EIF4G1: variants seen among roughly 807,000 people sequenced by gnomAD.
EIF4G1 encodes eukaryotic translation initiation factor 4 gamma 1, also known as EIF4-gamma.
In EIF4G1, 4 loss-of-function variants were observed where a neutral mutation model predicts 187.8. That is an observed-to-expected ratio of 0.02 (90% confidence interval 0.01 to 0.05). The LOEUF (loss-of-function observed/expected upper bound fraction) is 0.05, where lower values mean the gene tolerates loss of function less well. EIF4G1 is among the 10% of genes least tolerant of loss of function. EIF4G1 has a pLI of 1.00. For synonymous variants in EIF4G1, 844 were observed against 781.4 expected, an observed-to-expected ratio of 1.08 and a Z score of -1.34; for missense variants, 1,647 against 2,081.1, an observed-to-expected ratio of 0.79 and a Z score of 4.06.
At position 184,325,748 on chromosome 3, in the gene EIF4G1, T is replaced by C. The variant is rs1200222570; in HGVS notation, c.3122-103T>C. ...ACGTGTCTGGGCCACTGAGACACCATGATGGAACTGAGGATCTGAGGAAGG... is the reference window on the plus strand; with the variant it reads ...ACGTGTCTGGGCCACTGAGACACCACGATGGAACTGAGGATCTGAGGAAGG... On this transcript the variant is annotated intron_variant, in intron 20 of 32. Coordinates refer to ENST00000346169, the MANE Select transcript of EIF4G1 (RefSeq NM_198241.3). The surrounding 1 kb of genome is among the most constrained non-coding windows in gnomAD (Gnocchi z 5.2). 8 of 1,609,140 alleles carry C rather than the reference T, an allele frequency of 5.0e-6. No individual in the cohort carries two copies. The Admixed American group carries it at 1.2e-4, about 23-fold the overall frequency.
chr3:184,319,711 A>G lies in EIF4G1; in HGVS notation c.447A>G (p.Gln149=), dbSNP rs111226425. 3 of 1,603,100 alleles carry G rather than the reference A, an allele frequency of 1.9e-6. No individual in the cohort carries two copies. Among genetic ancestry groups the G allele is most frequent in the African/African-American group, 2.7e-5 (2 of 74,920 alleles). Residue 149 remains glutamine (Q), a synonymous_variant, in exon 7 of 33, where the codon CAA becomes CAG. Coordinates refer to ENST00000346169, the MANE Select transcript of EIF4G1 (RefSeq NM_198241.3). ...GTYAGAYYPA[Q]GVQQFPTGVA... Reference sequence around the variant, plus strand: ...AAGCTGGCGCCTACTATCCAGCCCAAGGGGTGCAGCAGTTTCCCACTGGCG... The same window carrying G: ...AAGCTGGCGCCTACTATCCAGCCCAGGGGGTGCAGCAGTTTCCCACTGGCG...
intron 2 of EIF4G1, 82 bp from the exon 3 acceptor site, chr3:184,315,681 C>A: frequency 9.6e-7 from 1 of 1,036,538 alleles, no homozygotes. Flanking sequence ...TGGGACCCAG[C>A]CCTTGCATCA....
rs1338173579 is a variant in EIF4G1, at chr3:184,319,460, TGTGTGTTTGTG to T, written c.425-228_425-218del. ...GTGTGTGTGTGTGTGTGTGTGTGTG[TGTGTGTTTGTG>T]TGTGTGTGTGTGTTAGGAATTCTTG... On this transcript the variant is annotated intron_variant, in intron 6 of 32. Coordinates refer to ENST00000346169, the MANE Select transcript of EIF4G1 (RefSeq NM_198241.3). 1.1e-3 allele frequency among the ~76,000 whole-genome samples: 14 copies of T among 13,262 alleles called. No individual in the cohort carries two copies. In the Middle Eastern group the frequency reaches 0.19, roughly 178 times the overall value. 8.7% of individuals were successfully genotyped at this position (13,262 alleles called of 152,430 possible). A position where few individuals can be genotyped will look rare whatever the true frequency, so the allele number is the denominator to read the frequency against.
At chr3:184,320,537 G>C in intron 7 of EIF4G1, 93 bp from the exon 8 acceptor site, 1 of 1,606,142 alleles carries the variant, frequency 6.2e-7, no homozygotes, top group Non-Finnish European at 8.5e-7. Context: ...CCCGCTGGGG[G>C]GTGGGGAGTT....
chr3:184,315,217 G>A (rs1447752922), intron 1 of EIF4G1: 1 of 373,280 alleles, frequency 2.7e-6, no homozygotes, highest in Non-Finnish European at 5.4e-6. Context: ...GCCTTTTAGG[G>A]CCTGACTCCC....
In EIF4G1 at chr3:184,327,984, C is replaced by T. The variant is rs1432744060; in HGVS notation, c.3935C>T (p.Thr1312Ile). The change falls in exon 26 of 33, where the codon ACT (threonine) becomes ATT (isoleucine). Residue 1312 changes from threonine (T) to isoleucine (I), a missense_variant. Physicochemically the swap from Thr to Ile is moderately conservative, Grantham distance 89. Transcript: ENST00000346169. ...CTGCTCTGTGCTGGGCATCTGTCTACTGCTCAGTACTACCAAGGGTATGAC... is the reference window on the plus strand; with the variant it reads ...CTGCTCTGTGCTGGGCATCTGTCTATTGCTCAGTACTACCAAGGGTATGAC... ...HQLLCAGHLSTAQYYQGLYEI... is the reference protein window; with the variant it reads ...HQLLCAGHLSIAQYYQGLYEI... 1.9e-6 allele frequency: 3 copies of T among 1,606,670 alleles called. No homozygotes were observed. Among genetic ancestry groups the T allele is most frequent in the Non-Finnish European group, 2.5e-6 (3 of 1,180,004 alleles).
In EIF4G1 at chr3:184,323,404, G is replaced by A; in HGVS notation, c.2089-4G>A. 1 of 1,614,078 alleles carries A rather than the reference G, an allele frequency of 6.2e-7. No homozygotes were observed. The highest frequency in any genetic ancestry group is 1.7e-4 in the Middle Eastern group (1 of 6,056). ...CCCTCTTGTCTTCATCCCTTGCTTAGCAGGCTGGCCTGGGACCCCGGCGCT... is the reference window on the plus strand; with the variant it reads ...CCCTCTTGTCTTCATCCCTTGCTTAACAGGCTGGCCTGGGACCCCGGCGCT... On this transcript the variant is annotated splice_polypyrimidine_tract_variant and splice_region_variant and intron_variant, in intron 14 of 32. Transcript: ENST00000346169. The surrounding 1 kb of genome is among the most constrained non-coding windows in gnomAD (Gnocchi z 6.9).
chr3:184,328,491 C>G (rs968227245), intron 26 of EIF4G1, 140 bp from the exon 27 acceptor site: 4 of 1,187,732 alleles, frequency 3.4e-6, no homozygotes, highest in East Asian at 2.3e-5. Context: ...ACAGAGGTGG[C>G]CTTAGCTTGA....
At position 184,321,277 on chromosome 3, in the gene EIF4G1, T is replaced by G. The variant is rs760102430; in HGVS notation, c.698-5T>G. ...AGTTGCTCATTCTTCCTTCCTATGG[T>G]GCAGATGACCGGTCACAGGGAGCAA... On this transcript the variant is annotated splice_polypyrimidine_tract_variant and splice_region_variant and intron_variant, in intron 9 of 32. Transcript: ENST00000346169. 8.1e-6 allele frequency: 13 copies of G among 1,614,108 alleles called. No individual in the cohort carries two copies. In the South Asian group the frequency reaches 1.4e-4, roughly 18 times the overall value.
Position 184,321,900 on chromosome 3 carries a change from C to G in EIF4G1, c.1316C>G (p.Ser439Cys). 1.2e-6 allele frequency: 2 copies of G among 1,614,204 alleles called. No individual in the cohort carries two copies. Among genetic ancestry groups the G allele is most frequent in the Non-Finnish European group, 8.5e-7 (1 of 1,180,036 alleles). ...TASMAPPTIP[S>C]ATPATAPSAT... ...TCAATGGCGCCCCCCACCATCCCCT[C>G]TGCTACTCCAGCTACGGCTCCTTCA... The change falls in exon 10 of 33, where the codon TCT becomes TGT. Residue 439 changes from serine (S) to cysteine (C), a missense_variant. Ser to Cys is a moderately radical substitution (Grantham distance 112). Coordinates refer to ENST00000346169, the MANE Select transcript of EIF4G1 (RefSeq NM_198241.3).
In EIF4G1 at chr3:184,325,311, A is replaced by G. The variant is rs1673644066; in HGVS notation, c.2899A>G (p.Lys967Glu). 2 of 1,614,180 alleles carry G rather than the reference A, an allele frequency of 1.2e-6. No homozygotes were observed. The highest frequency in any genetic ancestry group is 8.5e-7 in the Non-Finnish European group (1 of 1,180,032). The change falls in exon 19 of 33, where the codon AAA (lysine) becomes GAA (glutamate). Residue 967 changes from lysine (K) to glutamate (E), a missense_variant. Lys to Glu is a moderately conservative substitution (Grantham distance 56). Around this residue, in one of 11 missense-constraint regions of EIF4G1, gnomAD observed 142 missense variants for 296.6 expected, o/e 0.48. Coordinates refer to ENST00000346169, the MANE Select transcript of EIF4G1 (RefSeq NM_198241.3). The surrounding 1 kb of genome is among the most constrained non-coding windows in gnomAD (Gnocchi z 5.2). ...QYFNQMEKII[K>E]EKKTSSRIRF... The stretch of plus-strand genomic sequence containing the variant: ...TTTCAACCAGATGGAAAAAATCATT[A>G]AAGAAAAGAAGACGTCATCCCGCAT...
chr3:184,323,626 A>T lies in EIF4G1; in HGVS notation c.2274+33A>T. On this transcript the variant is annotated intron_variant, in intron 15 of 32. Coordinates refer to ENST00000346169, the MANE Select transcript of EIF4G1 (RefSeq NM_198241.3). This position sits in a 1 kb window ranked among gnomAD's most constrained non-coding sequence, Gnocchi z 6.9. ...CAAGTCCTGCTTTTGGTCTCTCTCCATTTCTTCTCCAGGTCTGCCATCTGT... is the reference window on the plus strand; with the variant it reads ...CAAGTCCTGCTTTTGGTCTCTCTCCTTTTCTTCTCCAGGTCTGCCATCTGT... The T allele has an allele frequency of 6.2e-7, 1 of 1,613,238 alleles. No homozygotes were observed. The highest frequency in any genetic ancestry group is 8.5e-7 in the Non-Finnish European group (1 of 1,179,928).
In EIF4G1 at chr3:184,315,842, C is replaced by T; in HGVS notation, c.46C>T (p.Pro16Ser). 1 of 1,550,310 alleles carries T rather than the reference C, an allele frequency of 6.5e-7. No individual in the cohort carries two copies. Among genetic ancestry groups the T allele is most frequent in the Non-Finnish European group, 8.7e-7 (1 of 1,145,982 alleles). The part of the protein sequence containing the change: ...QSTGPPPAPS[P>S]GLPQPAFPPG... ...CACAGGCCCCCCACCCGCCCCATCC[C>T]CCGGACTCCCACAGGTAATTAGGGA... The change falls in exon 3 of 33, where the codon CCC becomes TCC. Residue 16 changes from proline (P) to serine (S), a missense_variant. Pro to Ser is a moderately conservative substitution (Grantham distance 74, BLOSUM62 -1). Around this residue, in one of 11 missense-constraint regions of EIF4G1, gnomAD observed 61 missense variants for 49.5 expected, o/e 1.23. Transcript: ENST00000346169.
Position 184,323,328 on chromosome 3 carries a change from C to T in EIF4G1, c.2089-80C>T. 6.2e-7 allele frequency: 1 copy of T among 1,611,496 alleles called. No individual in the cohort carries two copies. Among genetic ancestry groups the T allele is most frequent in the Non-Finnish European group, 8.5e-7 (1 of 1,178,204 alleles). Reference sequence around the variant, plus strand: ...CAGTGCCCGCGGGGAGGGGTTTGCCCTGGAGGCGTGTAGTAGTGGTGTCAC... The same window carrying T: ...CAGTGCCCGCGGGGAGGGGTTTGCCTTGGAGGCGTGTAGTAGTGGTGTCAC... On this transcript the variant is annotated intron_variant, in intron 14 of 32. Coordinates refer to ENST00000346169, the MANE Select transcript of EIF4G1 (RefSeq NM_198241.3). This position sits in a 1 kb window ranked among gnomAD's most constrained non-coding sequence, Gnocchi z 6.9.
Position 184,332,040 on chromosome 3 carries a change from G to C in EIF4G1, c.4572G>C (p.Ala1524=), listed in dbSNP as rs751022680. 1.2e-6 allele frequency: 2 copies of C among 1,614,216 alleles called. No homozygotes were observed. Among genetic ancestry groups the C allele is most frequent in the East Asian group, 4.5e-5 (2 of 44,882 alleles). The change falls in exon 32 of 33, where the codon GCG becomes GCC. Residue 1524 remains alanine, a synonymous_variant. Coordinates refer to ENST00000346169, the MANE Select transcript of EIF4G1 (RefSeq NM_198241.3). ...GTGACGAGCAGAAGGAGCTACAGGCGCTCTACGCCCTCCAGGCCCTTGTAG... is the reference window on the plus strand; with the variant it reads ...GTGACGAGCAGAAGGAGCTACAGGCCCTCTACGCCCTCCAGGCCCTTGTAG... The part of the protein sequence containing the change: ...YLCDEQKELQ[A]LYALQALVVT...
rs1366543204 is a variant in EIF4G1, at chr3:184,320,965, G to A, written c.669G>A (p.Thr223=). 24 of 1,614,002 alleles carry A rather than the reference G, an allele frequency of 1.5e-5. No individual in the cohort carries two copies. The highest frequency in any genetic ancestry group is 4.5e-5 in the East Asian group (2 of 44,900). The change falls in exon 9 of 33, where the codon ACG becomes ACA. Residue 223 remains threonine (T), a synonymous_variant. Coordinates refer to ENST00000346169, the MANE Select transcript of EIF4G1 (RefSeq NM_198241.3). ...GGLEPQANGE[T]PQVAVIVRPD... ...TGGAGCCTCAAGCTAATGGGGAGAC[G>A]CCCCAGGTTGCTGTCATTGTCCGGC...
intron 6 of EIF4G1, 51 bp from the exon 7 acceptor site, chr3:184,319,638 T>C (rs1329552716): frequency 9.9e-6 from 12 of 1,208,500 alleles, no homozygotes; most frequent in African/African-American, 4.5e-5. Context: ...CATTAGTATA[T>C]GGTTGGGCCC....
Position 184,335,307 on chromosome 3 carries a change from GA to G in EIF4G1, c.*401del, listed in dbSNP as rs1235814575. The G allele has an allele frequency of 4.1e-6, 1 of 243,240 alleles. No homozygotes were observed. Among genetic ancestry groups the G allele is most frequent in the Non-Finnish European group, 8.2e-6 (1 of 121,470 alleles). The allele number at this position is 243,240 out of a possible 1,614,324, so 15.1% of individuals were successfully genotyped here. A position where few individuals can be genotyped will look rare whatever the true frequency, so the allele number is the denominator to read the frequency against. On this transcript the variant is annotated 3_prime_UTR_variant, in exon 33 of 33. Coordinates refer to ENST00000346169, the MANE Select transcript of EIF4G1 (RefSeq NM_198241.3). ...ACCCCTGCTGTTGCCTGGGCAGGGG[GA>G]AGGGGGGGCACGGTGCCTGTAATTA...
At chr3:184,326,033 A>G (rs2108500125) in intron 21 of EIF4G1, 82 bp downstream of exon 21, 1 of 1,432,348 alleles carries the variant, frequency 7.0e-7, no homozygotes, top group African/African-American at 1.4e-5. Context: ...AGAAGGTGAC[A>G]GCTGAATGTT....
Sources: gnomAD v4.1 joint callset for allele counts (sites outside exome capture counted in the v4.1 genomes callset) on GRCh38, gnomAD v4.1.1 for gene constraint, gnomAD v4.1.1 regional missense constraint, Gnocchi (gnomAD v3.1) non-coding constraint, MANE v1.5 for transcripts, NCBI Gene and HGNC (gene_info 2026-07-23, HGNC 2026-07-21) for gene names.